The following DPP3 variants were observed in gnomAD, a reference collection of about 807,000 sequenced individuals.
DPP3 encodes dipeptidyl peptidase 3, also known as DPP III.
In DPP3, 64 loss-of-function variants were observed where a neutral mutation model predicts 89.8. The observed-to-expected ratio is 0.71, with a 90% CI of 0.58 to 0.88. DPP3 has a LOEUF of 0.88. Ranked by LOEUF, DPP3 falls within the 40% of genes least tolerant of loss-of-function variation. The pLI is 0.00. For missense variants in DPP3, 835 were observed against 972.5 expected, an observed-to-expected ratio of 0.86 and a Z score of 1.88; for synonymous variants, 377 against 404.3, an observed-to-expected ratio of 0.93 and a Z score of 0.81.
chr11:66,480,456 G>A lies in DPP3; in HGVS notation c.-18G>A. 7 of 1,488,156 alleles carry A rather than the reference G, an allele frequency of 4.7e-6. No homozygotes were observed. The highest frequency in any genetic ancestry group is 5.3e-6 in the Non-Finnish European group (6 of 1,126,036). The allele number at this position is 1,488,156 out of a possible 1,614,324, so 92.2% of individuals were successfully genotyped here. ...AGGAAGTGAGTTTGCGAACGGAGCA[G>A]CTGCTGCAGGTGAGGCGCGGCGCCT... On this transcript the variant is annotated 5_prime_UTR_variant, in exon 1 of 18. Transcript: ENST00000531863.
chr11:66,495,486 T>G lies in DPP3; in HGVS notation c.1574T>G (p.Leu525Arg), dbSNP rs776905229. 1.2e-6 allele frequency: 2 copies of G among 1,611,232 alleles called. No individual in the cohort carries two copies. Among genetic ancestry groups the G allele is most frequent in the South Asian group, 2.2e-5 (2 of 90,826 alleles). Residue 525 changes from leucine to arginine, a missense_variant, in exon 14 of 18, where the codon CTG becomes CGG. Coordinates refer to ENST00000531863, the MANE Select transcript of DPP3 (RefSeq NM_130443.4). ...GLYLCLHPQVLEIFGFEGADA... is the reference protein window; with the variant it reads ...GLYLCLHPQVREIFGFEGADA... ...TACCTCTGTCTCCACCCGCAAGTGC[T>G]GGAGTAAGAGCAGCAGGGCCGAGGG...
chr11:66,495,633 CT>C lies in DPP3; in HGVS notation c.1584del (p.Phe528LeufsTer11). On this transcript the variant is annotated frameshift_variant, in exon 15 of 18. Transcript: ENST00000531863. LOFTEE classifies it high-confidence loss of function. Reference protein sequence around the residue: ...LCLHPQVLEIFGFEGADAEDV... With the variant: ...LCLHPQVLEIXGFEGADAEDV... ...CACCTGCCTGCCCCTCTCACAGGAT[CT>C]TTGGCTTTGAGGGGGCTGATGCGGA... 1 of 1,614,148 alleles carries C rather than the reference CT, an allele frequency of 6.2e-7. No individual in the cohort carries two copies. Among genetic ancestry groups the C allele is most frequent in the Non-Finnish European group, 8.5e-7 (1 of 1,180,018 alleles).
chr11:66,482,125 G>C, intron 1 of DPP3, 68 bp from the exon 2 acceptor site: 1 of 1,575,300 alleles, frequency 6.3e-7, no homozygotes, highest in African/African-American at 1.3e-5. Flanking sequence ...GAGATCATAA[G>C]AGTTCAGAGC....
chr11:66,508,970 C>T, intron 17 of DPP3, 109 bp from the exon 18 acceptor site: 1 of 1,407,248 alleles, frequency 7.1e-7, no homozygotes, highest in Non-Finnish European at 9.6e-7. Context: ...TTTGGCAGAG[C>T]TCAGTAAGAA....
intron 16 of DPP3, among the ~76,000 whole-genome samples, chr11:66,504,366 G>A (rs1309086148): frequency 1.3e-5 from 2 of 152,102 alleles, no homozygotes; most frequent in Non-Finnish European, 2.9e-5. Context: ...AAGATTACAG[G>A]TGTGAGCCAC....
intron 1 of DPP3, among the ~76,000 whole-genome samples, chr11:66,481,885 T>C (rs1855093234): frequency 6.6e-6 from 1 of 152,044 alleles, no homozygotes; most frequent in South Asian, 2.1e-4. Flanking sequence ...TGACCTCAGG[T>C]GATCCACACA....
chr11:66,487,885 C>T (rs753141846), intron 5 of DPP3, 29 bp from the exon 6 acceptor site: 6 of 1,608,872 alleles, frequency 3.7e-6, no homozygotes, highest in Non-Finnish European at 5.1e-6. Flanking sequence ...CCAGACTTCA[C>T]TCTTAACCCC....
chr11:66,499,189 C>G (rs1233245540), intron 16 of DPP3, among the ~76,000 whole-genome samples: 1 of 151,304 alleles, frequency 6.6e-6, no homozygotes, highest in Non-Finnish European at 1.5e-5. Flanking sequence ...GGTGAAACCC[C>G]ATCTCTACTA....
At chr11:66,497,512 C>G in intron 16 of DPP3, 35 bp downstream of exon 16, 1 of 1,594,784 alleles carries the variant, frequency 6.3e-7, no homozygotes, top group Non-Finnish European at 8.6e-7. Context: ...TGGGTCCCCA[C>G]CAACCTCTCC....
intron 4 of DPP3, 60 bp from the exon 5 acceptor site, chr11:66,487,208 G>A (rs953000815): frequency 8.4e-6 from 13 of 1,541,234 alleles, no homozygotes; most frequent in Middle Eastern, 3.4e-4. Flanking sequence ...GGAATATGAC[G>A]TCCCTGCAGC....
intron 17 of DPP3, among the ~76,000 whole-genome samples, chr11:66,506,325 G>C (rs1054547437): frequency 9.9e-5 from 15 of 151,942 alleles, no homozygotes; most frequent in Admixed American, 4.6e-4. Flanking sequence ...CTCGATCTTG[G>C]CCCACTGCAA....
intron 17 of DPP3, among the ~76,000 whole-genome samples, chr11:66,507,686 A>C (rs1263556671): frequency 7.9e-6 from 1 of 126,216 alleles, no homozygotes; most frequent in Non-Finnish European, 1.7e-5. Context: ...CACTGTAAAA[A>C]GTTTTTTTTT....
chr11:66,500,072 A>G (rs1855642125), intron 16 of DPP3, among the ~76,000 whole-genome samples: 1 of 152,068 alleles, frequency 6.6e-6, no homozygotes, highest in Non-Finnish European at 1.5e-5. Flanking sequence ...AGAACTTTTC[A>G]GCCGAGCACA....
In DPP3 at chr11:66,487,354, G is replaced by C. The variant is rs575109777; in HGVS notation, c.573+12G>C. The stretch of plus-strand genomic sequence containing the variant: ...TTCTGGACTCACAGGTTTGGGGTTA[G>C]GGGAGCTCAAGGTAGCAGAGGTTTG... On this transcript the variant is annotated intron_variant, in intron 5 of 17. Coordinates refer to ENST00000531863, the MANE Select transcript of DPP3 (RefSeq NM_130443.4). The C allele has an allele frequency of 6.2e-7, 1 of 1,613,670 alleles. No homozygotes were observed. Among genetic ancestry groups the C allele is most frequent in the African/African-American group, 1.3e-5 (1 of 74,884 alleles).
Position 66,486,538 on chromosome 11 carries a change from A to G in DPP3, c.361-2A>G. 1 of 1,502,794 alleles carries G rather than the reference A, an allele frequency of 6.7e-7. No individual in the cohort carries two copies. The highest frequency in any genetic ancestry group is 8.9e-7 in the Non-Finnish European group (1 of 1,123,058). The allele number at this position is 1,502,794 out of a possible 1,614,324, so 93.1% of individuals were successfully genotyped here. ...GGGCCATTGGCCTCCCTTTCCTTGC[A>G]GGAAAAGCTGGAACGGGTGATCCTA... On this transcript the variant is annotated splice_acceptor_variant, in intron 3 of 17. Transcript: ENST00000531863. LOFTEE classifies it high-confidence loss of function.
chr11:66,487,213 T>G, intron 4 of DPP3, 55 bp from the exon 5 acceptor site: 1 of 1,572,932 alleles, frequency 6.4e-7, no homozygotes, highest in South Asian at 1.1e-5. Flanking sequence ...ATGACGTCCC[T>G]GCAGCCCTGA....
intron 16 of DPP3, among the ~76,000 whole-genome samples, chr11:66,503,624 C>T (rs772224999): frequency 2.6e-5 from 4 of 152,088 alleles, no homozygotes; most frequent in African/African-American, 4.8e-5. Flanking sequence ...TGGTGGCTCA[C>T]GCCTGTAATC....
At chr11:66,504,451 A>C (rs2134752104) in intron 16 of DPP3, among the ~76,000 whole-genome samples, 161 bp from the exon 17 acceptor site, 1 of 152,250 alleles carries the variant, frequency 6.6e-6, no homozygotes, top group African/African-American at 2.4e-5. Flanking sequence ...GGTTAAGTTG[A>C]AACTTAACCA....
At chr11:66,486,478 G>C in intron 3 of DPP3, 62 bp from the exon 4 acceptor site, 1 of 1,431,612 alleles carries the variant, frequency 7.0e-7, no homozygotes, top group East Asian at 2.7e-5. Context: ...GAGTGGGTAG[G>C]GAGGCTCTGG....
Sources: allele counts gnomAD v4.1 joint callset (sites outside exome capture counted in the v4.1 genomes callset), GRCh38; gene constraint gnomAD v4.1.1; transcripts MANE v1.5; gene names NCBI Gene and HGNC (gene_info 2026-07-23, HGNC 2026-07-21).